Variants in ATXN2 observed in about 807,000 individuals in gnomAD.
ATXN2 encodes ataxin-2.
ATXN2 carries 37 observed loss-of-function variants against 138.6 expected under a neutral mutation model. The observed-to-expected ratio is 0.27, with a 90% CI of 0.21 to 0.35. ATXN2 has a LOEUF of 0.35. Among genes scored for constraint, ATXN2 ranks in the 10% least tolerant of loss-of-function variants. ATXN2 has a pLI of 1.00. For missense variants in ATXN2, 1,216 were observed against 1,480.3 expected (o/e 0.82, Z 2.93); for synonymous variants, 549 against 543.7 (o/e 1.01, Z -0.13).
chr12:111,463,098 T>C (rs932066009), intron 21 of ATXN2, among the ~76,000 whole-genome samples: 2 of 152,160 alleles, frequency 1.3e-5, no homozygotes, highest in Non-Finnish European at 2.9e-5. Flanking sequence ...AATGCTAATA[T>C]GGCATTTAGT....
chr12:111,460,008 C>T (rs755650835), intron 21 of ATXN2, among the ~76,000 whole-genome samples: 40 of 152,302 alleles, frequency 2.6e-4, no homozygotes, highest in Non-Finnish European at 4.7e-4. Flanking sequence ...TGAGCAACTG[C>T]ACCCGGCCTA....
At chr12:111,490,785 G>C (rs985673233) in intron 14 of ATXN2, among the ~76,000 whole-genome samples, 1 of 152,156 alleles carries the variant, frequency 6.6e-6, no homozygotes, top group African/African-American at 2.4e-5. Context: ...GTGTGGGGTG[G>C]AGAAAGAATC....
At chr12:111,582,321 T>C (rs1884049965) in intron 1 of ATXN2, among the ~76,000 whole-genome samples, 1 of 137,808 alleles carries the variant, frequency 7.3e-6, no homozygotes, top group Admixed American at 7.7e-5. Flanking sequence ...GGCACACACA[T>C]GTGGTCCCAA....
At chr12:111,577,827 G>C (rs1253876803) in intron 1 of ATXN2, among the ~76,000 whole-genome samples, 1 of 152,066 alleles carries the variant, frequency 6.6e-6, no homozygotes, top group Non-Finnish European at 1.5e-5. Context: ...TGCACCCACA[G>C]TCCCAGCTAC....
At chr12:111,599,588 G>A (rs1402381115), upstream of ATXN2, 37 of 1,109,982 alleles carry the variant, frequency 3.3e-5, no homozygotes, top group South Asian at 4.4e-5. Flanking sequence ...AAGTCGGAGG[G>A]GTCAGACGGA....
At chr12:111,563,877 A>C (rs1882836159) in intron 1 of ATXN2, among the ~76,000 whole-genome samples, 1 of 152,170 alleles carries the variant, frequency 6.6e-6, no homozygotes, top group Non-Finnish European at 1.5e-5. Context: ...TCTCAATCAA[A>C]TATACGATGC....
intron 1 of ATXN2, among the ~76,000 whole-genome samples, chr12:111,595,871 T>C (rs1030173873): frequency 6.8e-6 from 1 of 146,994 alleles, no homozygotes; most frequent in Non-Finnish European, 1.5e-5. Context: ...GAGACCAGCC[T>C]GGCCAACATG....
chr12:111,541,141 G>A (rs1308570994), intron 5 of ATXN2, among the ~76,000 whole-genome samples: 1 of 149,602 alleles, frequency 6.7e-6, no homozygotes, highest in African/African-American at 2.4e-5. Context: ...GTGTTGTTTT[G>A]TTTAATCACA....
intron 1 of ATXN2, among the ~76,000 whole-genome samples, chr12:111,561,828 T>C (rs1232064330): frequency 2.0e-5 from 3 of 151,936 alleles, no homozygotes; most frequent in African/African-American, 4.8e-5. Context: ...TCTGTTTTTT[T>C]TGAGACAGAG....
At chr12:111,522,783 G>A (rs914467584) in intron 6 of ATXN2, among the ~76,000 whole-genome samples, 17 of 151,916 alleles carry the variant, frequency 1.1e-4, no homozygotes, top group African/African-American at 2.9e-4. Flanking sequence ...ATGTGGTGGC[G>A]GGCGCTTGTA....
chr12:111,516,133 G>T lies in ATXN2; in HGVS notation c.1375+21C>A. ...GTTAAACAAAGACAAACAAAAACAT[G>T]AACAAATTGTGGTATTGTACCTTCT... is the stretch of plus-strand genomic sequence containing the variant. On this transcript the variant is annotated intron_variant, in intron 10 of 24. Transcript: ENST00000673436. This position sits in a 1 kb window ranked among gnomAD's most constrained non-coding sequence, Gnocchi z 5.0. 6.3e-7 allele frequency: 1 copy of T among 1,581,874 alleles called. No individual in the cohort carries two copies. Among genetic ancestry groups the T allele is most frequent in the South Asian group, 1.1e-5 (1 of 86,960 alleles).
chr12:111,519,731 CTTT>C, intron 8 of ATXN2, 145 bp downstream of exon 8: 2 of 1,391,890 alleles, frequency 1.4e-6, no homozygotes, highest in South Asian at 2.9e-5. Flanking sequence ...TCACCATAAC[CTTT>C]TCTCTAACAG....
chr12:111,586,890 T>C (rs763094692), intron 1 of ATXN2, among the ~76,000 whole-genome samples: 4 of 152,080 alleles, frequency 2.6e-5, no homozygotes, highest in South Asian at 2.1e-4. Context: ...TCTGAAAACA[T>C]TGCTTTTCTA....
At chr12:111,559,555 C>G (rs187896933) in intron 1 of ATXN2, among the ~76,000 whole-genome samples, 2 of 151,266 alleles carry the variant, frequency 1.3e-5, no homozygotes, top group Non-Finnish European at 1.5e-5. Flanking sequence ...GGGTGGATCA[C>G]GAGCTCAGAA....
At chr12:111,504,449 C>G (rs1592840762) in intron 14 of ATXN2, among the ~76,000 whole-genome samples, 1 of 152,110 alleles carries the variant, frequency 6.6e-6, no homozygotes, top group Admixed American at 6.6e-5. Flanking sequence ...CGCCACCACA[C>G]CCAGGTAATT....
At chr12:111,544,976 G>T (rs1168113313) in intron 5 of ATXN2, among the ~76,000 whole-genome samples, 1 of 151,878 alleles carries the variant, frequency 6.6e-6, no homozygotes, top group African/African-American at 2.4e-5. Flanking sequence ...TAGCTAACAC[G>T]GTGAAACCCC....
At chr12:111,546,293 G>A (rs559025806) in intron 5 of ATXN2, among the ~76,000 whole-genome samples, 5 of 152,138 alleles carry the variant, frequency 3.3e-5, no homozygotes, top group Non-Finnish European at 7.4e-5. Flanking sequence ...TAAATGCAGC[G>A]GAAAATATGA....
intron 14 of ATXN2, among the ~76,000 whole-genome samples, chr12:111,508,583 A>C (rs1366291824): frequency 1.3e-5 from 2 of 149,766 alleles, no homozygotes; most frequent in Non-Finnish European, 2.9e-5. Flanking sequence ...AGTAGCTGGG[A>C]TTACAAGTGT....
intron 5 of ATXN2, among the ~76,000 whole-genome samples, chr12:111,547,464 G>A (rs562850505): frequency 1.8e-4 from 28 of 151,772 alleles, no homozygotes; most frequent in Non-Finnish European, 2.4e-4. Flanking sequence ...GGTGGCTCAC[G>A]CTTGTGATCC....
Sources: gnomAD v4.1 joint callset for allele counts (sites outside exome capture counted in the v4.1 genomes callset) on GRCh38, gnomAD v4.1.1 for gene constraint, Gnocchi (gnomAD v3.1) non-coding constraint, MANE v1.5 for transcripts, NCBI Gene and HGNC (gene_info 2026-07-23, HGNC 2026-07-21) for gene names.